ARHGAP26: variants seen among roughly 807,000 people sequenced by gnomAD.
ARHGAP26 encodes rho GTPase-activating protein 26.
In ARHGAP26, 38 loss-of-function variants were observed where a neutral mutation model predicts 104.8. That is an observed-to-expected ratio of 0.36 (90% confidence interval 0.28 to 0.48). The LOEUF (loss-of-function observed/expected upper bound fraction) is 0.48. Ranked by LOEUF, ARHGAP26 falls within the 20% of genes least tolerant of loss-of-function variation. The pLI is 0.99. For missense variants in ARHGAP26, 704 were observed against 947.9 expected (o/e 0.74, Z 3.38); for synonymous variants, 341 against 340.0 (o/e 1.00, Z -0.03).
intron 19 of ARHGAP26, among the ~76,000 whole-genome samples, chr5:143,140,071 G>C (rs1371936522): frequency 6.6e-6 from 1 of 152,172 alleles, no homozygotes; most frequent in Non-Finnish European, 1.5e-5. Flanking sequence ...ATCTTGTAGG[G>C]AGCTTGTTAA....
rs1427078563 is a variant in ARHGAP26, at chr5:142,770,832, C to G, written c.71C>G (p.Ser24Trp). ...DSPHFRETLK[S>W]HEAELDKTNK... The stretch of plus-strand genomic sequence containing the variant: ...CCGCACTTCCGAGAGACGCTCAAGT[C>G]GCACGAAGCAGAGCTGGACAAGACC... The change falls in exon 1 of 23, where the codon TCG (serine) becomes TGG (tryptophan). Residue 24 changes from serine to tryptophan, a missense_variant. Physicochemically the swap from Ser to Trp is radical, Grantham distance 177. Coordinates refer to ENST00000645722, the MANE Select transcript of ARHGAP26 (RefSeq NM_001135608.3). 6.2e-7 allele frequency: 1 copy of G among 1,610,404 alleles called. No homozygotes were observed. Among genetic ancestry groups the G allele is most frequent in the Non-Finnish European group, 8.5e-7 (1 of 1,178,248 alleles).
chr5:143,200,602 A>AT (rs1807554170), intron 20 of ARHGAP26, among the ~76,000 whole-genome samples: 1 of 152,132 alleles, frequency 6.6e-6, no homozygotes, highest in Non-Finnish European at 1.5e-5. Flanking sequence ...TTCTCCAAAA[A>AT]AAAGCGAGGA....
chr5:143,202,892 G>A (rs1224955842), intron 20 of ARHGAP26: 2 of 152,086 alleles, frequency 1.3e-5, no homozygotes, highest in Non-Finnish European at 2.9e-5. Flanking sequence ...ACTGAAACTG[G>A]ACCCCTTCCT....
chr5:143,182,006 C>T (rs537262699), intron 20 of ARHGAP26, among the ~76,000 whole-genome samples: 6 of 152,268 alleles, frequency 3.9e-5, no homozygotes, highest in Admixed American at 1.3e-4. Context: ...TTCTTGTCCC[C>T]GTACAAAGCA....
intron 11 of ARHGAP26, among the ~76,000 whole-genome samples, chr5:143,002,247 C>T (rs1562239259): frequency 6.6e-6 from 1 of 152,128 alleles, no homozygotes; most frequent in African/African-American, 2.4e-5. Context: ...AGCAGAAGAG[C>T]CTTATGAGCT....
At chr5:143,217,527 G>A (rs371768749) in intron 22 of ARHGAP26, among the ~76,000 whole-genome samples, 1 of 152,176 alleles carries the variant, frequency 6.6e-6, no homozygotes, top group Non-Finnish European at 1.5e-5. Context: ...TGGGTTCTAG[G>A]GATACTTTTA....
intron 1 of ARHGAP26, among the ~76,000 whole-genome samples, chr5:142,825,693 C>G (rs985222834): frequency 1.1e-4 from 16 of 152,138 alleles, no homozygotes; most frequent in African/African-American, 3.6e-4. Context: ...GCTAAATTGG[C>G]AACACTGACT....
intron 20 of ARHGAP26, among the ~76,000 whole-genome samples, chr5:143,153,032 A>C (rs1303340635): frequency 6.6e-6 from 1 of 152,196 alleles, no homozygotes; most frequent in Non-Finnish European, 1.5e-5. Flanking sequence ...CCGCGGAGTC[A>C]TGGGCAGCTG....
chr5:142,770,955 G>T, intron 1 of ARHGAP26, 40 bp downstream of exon 1: 1 of 1,556,164 alleles, frequency 6.4e-7, no homozygotes, highest in South Asian at 1.2e-5. Flanking sequence ...GCTCCGGGGC[G>T]GGAGGAACTG....
chr5:142,796,076 G>T (rs936170931), intron 1 of ARHGAP26, among the ~76,000 whole-genome samples: 1 of 151,916 alleles, frequency 6.6e-6, no homozygotes. Flanking sequence ...GTGTGTGTGT[G>T]TGTGTGTGTG....
intron 11 of ARHGAP26, among the ~76,000 whole-genome samples, chr5:142,932,654 G>A (rs141252856): frequency 6.6e-6 from 1 of 152,222 alleles, no homozygotes; most frequent in Non-Finnish European, 1.5e-5. Context: ...TGCAGAAATT[G>A]TAAGAGTACA....
intron 11 of ARHGAP26, among the ~76,000 whole-genome samples, chr5:142,950,845 G>C (rs1261698811): frequency 6.6e-6 from 1 of 152,214 alleles, no homozygotes; most frequent in Non-Finnish European, 1.5e-5. Flanking sequence ...GCTAGCATCT[G>C]TCAAGAGAGC....
intron 6 of ARHGAP26, among the ~76,000 whole-genome samples, chr5:142,900,695 G>A (rs944792248): frequency 2.6e-5 from 4 of 152,084 alleles, no homozygotes; most frequent in Admixed American, 1.3e-4. Context: ...AAAATAAGTG[G>A]GATGGGATTA....
chr5:143,018,874 A>G (rs1779931204), intron 12 of ARHGAP26, among the ~76,000 whole-genome samples: 1 of 152,182 alleles, frequency 6.6e-6, no homozygotes, highest in Admixed American at 6.5e-5. Context: ...CCTAAAATAA[A>G]ATTTTTCTTT....
intron 17 of ARHGAP26, among the ~76,000 whole-genome samples, chr5:143,096,147 AT>A (rs375579319): frequency 6.6e-6 from 1 of 152,154 alleles, no homozygotes; most frequent in Non-Finnish European, 1.5e-5. Context: ...CTTATGCATG[AT>A]TTTTTCTTAG....
At chr5:143,182,030 T>C (rs576951050) in intron 20 of ARHGAP26, among the ~76,000 whole-genome samples, 4 of 152,354 alleles carry the variant, frequency 2.6e-5, no homozygotes, top group South Asian at 4.1e-4. Flanking sequence ...CCATTCTCGC[T>C]GTGAGGCCTT....
chr5:143,104,852 G>A (rs1226163203), intron 17 of ARHGAP26, among the ~76,000 whole-genome samples: 9 of 152,040 alleles, frequency 5.9e-5, no homozygotes, highest in Admixed American at 1.3e-4. Flanking sequence ...ATGAGTGTGT[G>A]TGTGTCTGAA....
chr5:142,897,999 T>TA (rs916122174), intron 6 of ARHGAP26, among the ~76,000 whole-genome samples: 1 of 152,184 alleles, frequency 6.6e-6, no homozygotes, highest in African/African-American at 2.4e-5. Context: ...AAGGGACCTC[T>TA]ATGCAAATCG....
chr5:142,926,215 T>C (rs931710980), intron 10 of ARHGAP26, among the ~76,000 whole-genome samples: 5 of 152,158 alleles, frequency 3.3e-5, no homozygotes, highest in African/African-American at 1.2e-4. Flanking sequence ...GGAGGAGATA[T>C]GGTGTTGGGT....
Sources: gnomAD v4.1 joint callset for allele counts (sites outside exome capture counted in the v4.1 genomes callset) on GRCh38, gnomAD v4.1.1 for gene constraint, MANE v1.5 for transcripts, NCBI Gene and HGNC (gene_info 2026-07-23, HGNC 2026-07-21) for gene names.